CAPRIN1: variants seen among roughly 807,000 people sequenced by gnomAD.
CAPRIN1 encodes cell cycle associated protein 1, also known as caprin-1.
CAPRIN1 carries 29 observed loss-of-function variants against 100.9 expected under a neutral mutation model. That is an observed-to-expected ratio of 0.29 (90% CI 0.21 to 0.39). The LOEUF is 0.39. Ranked by LOEUF, CAPRIN1 falls within the 10% of genes least tolerant of loss-of-function variation. The probability of loss-of-function intolerance (pLI) is 1.00; values close to 1 mark genes in which losing one functional copy is unlikely to be tolerated. For missense variants in CAPRIN1, 795 were observed against 876.7 expected, an observed-to-expected ratio of 0.91 and a Z score of 1.18; for synonymous variants, 338 against 307.5, an observed-to-expected ratio of 1.10 and a Z score of -1.04.
chr11:34,080,113 C>T (rs1002547722), intron 7 of CAPRIN1, among the ~76,000 whole-genome samples: 5 of 151,866 alleles, frequency 3.3e-5, no homozygotes, highest in Admixed American at 1.3e-4. Flanking sequence ...TTAGTAAAGA[C>T]GGGGTTTCAC....
intron 2 of CAPRIN1, among the ~76,000 whole-genome samples, chr11:34,057,271 T>TG (rs769028748): frequency 2.0e-5 from 3 of 152,218 alleles, no homozygotes; most frequent in Non-Finnish European, 4.4e-5. Flanking sequence ...AAAGCTGTAA[T>TG]GCTTAATTTG....
At chr11:34,089,039 TGG>T (rs1851206765) in intron 11 of CAPRIN1, among the ~76,000 whole-genome samples, 1 of 151,592 alleles carries the variant, frequency 6.6e-6, no homozygotes, top group Non-Finnish European at 1.5e-5. Context: ...GAGGCTGAGG[TGG>T]GCAGATTGCT....
Position 34,100,900 on chromosome 11 carries a change from A to G in CAPRIN1, c.*1533A>G, listed in dbSNP as rs916182688. 2.6e-5 allele frequency: 4 copies of G among 152,618 alleles called. No homozygotes were observed. The highest frequency in any genetic ancestry group is 9.7e-5 in the African/African-American group (4 of 41,440). 9.5% of individuals were successfully genotyped at this position (152,618 alleles called of 1,614,324 possible). ...CCTTTAAGCAAAGGCTACTAAGTTA[A>G]TGGTATTTTCTGTGCAGAAATTAAA... On this transcript the variant is annotated 3_prime_UTR_variant, in exon 19 of 19. Transcript: ENST00000341394.
intron 2 of CAPRIN1, among the ~76,000 whole-genome samples, chr11:34,056,097 T>C (rs1400097547): frequency 6.6e-6 from 1 of 152,226 alleles, no homozygotes; most frequent in Non-Finnish European, 1.5e-5. Flanking sequence ...TGAATTCCTC[T>C]TTAGAAACCC....
Position 34,097,417 on chromosome 11 carries a change from C to G in CAPRIN1, c.2001+121C>G, listed in dbSNP as rs949391627. ...CGTTAACTTTGTGGTGTCCAAGACA[C>G]TCTGTTGAAACAAAAGCTTTTAGCA... is the stretch of plus-strand genomic sequence containing the variant. On this transcript the variant is annotated intron_variant, in intron 17 of 18. Transcript: ENST00000341394. The G allele has an allele frequency of 8.4e-6, 7 of 834,072 alleles. No homozygotes were observed. In the East Asian group the frequency reaches 1.8e-4, roughly 22 times the overall value. The allele number at this position is 834,072 out of a possible 1,614,324, so 51.7% of individuals were successfully genotyped here.
chr11:34,080,136 G>T (rs1442613998), intron 7 of CAPRIN1, among the ~76,000 whole-genome samples: 1 of 152,058 alleles, frequency 6.6e-6, no homozygotes, highest in Non-Finnish European at 1.5e-5. Context: ...TGTTGGCCAG[G>T]ATGGTCTCGA....
Position 34,086,221 on chromosome 11 carries a change from TATGTTC to T in CAPRIN1, c.1122+5_1122+10del, listed in dbSNP as rs1269167009. 1.2e-6 allele frequency: 2 copies of T among 1,613,610 alleles called. No individual in the cohort carries two copies. The highest frequency in any genetic ancestry group is 1.7e-6 in the Non-Finnish European group (2 of 1,179,610). On this transcript the variant is annotated splice_donor_5th_base_variant and intron_variant, in intron 10 of 18. Transcript: ENST00000341394. Reference sequence around the variant, plus strand: ...CAGGGTCCCTATAATTTCATACAGGTATGTTCATTTTAGTCAGACTCTGTAACAGAA... The same window carrying T: ...CAGGGTCCCTATAATTTCATACAGGTATTTTAGTCAGACTCTGTAACAGAA...
chr11:34,082,436 G>T (rs1851051817), intron 7 of CAPRIN1, among the ~76,000 whole-genome samples: 1 of 152,142 alleles, frequency 6.6e-6, no homozygotes, highest in African/African-American at 2.4e-5. Context: ...TGATCCACCT[G>T]TCTTGGCCTT....
intron 2 of CAPRIN1, among the ~76,000 whole-genome samples, chr11:34,066,592 G>A (rs535921983): frequency 1.3e-5 from 2 of 149,964 alleles, no homozygotes; most frequent in South Asian, 4.3e-4. Flanking sequence ...TCAGCCTCCC[G>A]AAGTGCTGGA....
Position 34,099,420 on chromosome 11 carries a change from A to G in CAPRIN1, c.*53A>G. On this transcript the variant is annotated 3_prime_UTR_variant, in exon 19 of 19. Coordinates refer to ENST00000341394, the MANE Select transcript of CAPRIN1 (RefSeq NM_005898.5). ...CCAAAAACACACTGGCCAGTGTACCATAATATGTTACCAGAAGAGTTATTA... is the reference window on the plus strand; with the variant it reads ...CCAAAAACACACTGGCCAGTGTACCGTAATATGTTACCAGAAGAGTTATTA... The G allele has an allele frequency of 2.2e-6, 3 of 1,374,300 alleles. No homozygotes were observed. Among genetic ancestry groups the G allele is most frequent in the Non-Finnish European group, 3.1e-6 (3 of 962,380 alleles). 85.1% of individuals were successfully genotyped at this position (1,374,300 alleles called of 1,614,324 possible).
chr11:34,096,534 C>G lies in CAPRIN1; in HGVS notation c.1761C>G (p.His587Gln). 6.2e-7 allele frequency: 1 copy of G among 1,614,110 alleles called. No individual in the cohort carries two copies. Among genetic ancestry groups the G allele is most frequent in the Non-Finnish European group, 8.5e-7 (1 of 1,180,010 alleles). ...AGTCCCATCAAGTGACTGGTAACCACCAGCAGCCTCCTCAGCAGAACACTG... is the reference window on the plus strand; with the variant it reads ...AGTCCCATCAAGTGACTGGTAACCAGCAGCAGCCTCCTCAGCAGAACACTG... Reference protein sequence around the residue: ...PDQSHQVTGNHQQPPQQNTGF... With the variant: ...PDQSHQVTGNQQQPPQQNTGF... Residue 587 changes from histidine to glutamine, a missense_variant, in exon 16 of 19, where the codon CAC becomes CAG. His to Gln is a conservative substitution (Grantham distance 24). This residue lies in a region of CAPRIN1 where 648 missense variants were observed against 697.9 expected (regional missense o/e 0.93). Transcript: ENST00000341394.
At chr11:34,079,856 A>G in intron 7 of CAPRIN1, 91 bp downstream of exon 7, 3 of 1,191,170 alleles carry the variant, frequency 2.5e-6, no homozygotes, top group Non-Finnish European at 3.5e-6. Context: ...CTTAGTTTTC[A>G]TATATGTACA....
chr11:34,100,441 G>A lies in CAPRIN1; in HGVS notation c.*1074G>A, dbSNP rs1410907812. The A allele has an allele frequency of 2.0e-5, 3 of 152,002 alleles. No individual in the cohort carries two copies. The highest frequency in any genetic ancestry group is 7.2e-5 in the African/African-American group (3 of 41,398). The allele number at this position is 152,002 out of a possible 1,614,324, so 9.4% of individuals were successfully genotyped here. A position where few individuals can be genotyped will look rare whatever the true frequency, so the allele number is the denominator to read the frequency against. On this transcript the variant is annotated 3_prime_UTR_variant, in exon 19 of 19. Coordinates refer to ENST00000341394, the MANE Select transcript of CAPRIN1 (RefSeq NM_005898.5). The stretch of plus-strand genomic sequence containing the variant: ...TTTTAGATTGATTTCCCTGTTTCAG[G>A]GAAATCACGGACAGTAGTTTCAGTT...
intron 2 of CAPRIN1, among the ~76,000 whole-genome samples, chr11:34,071,144 G>A (rs868027137): frequency 6.6e-6 from 1 of 152,326 alleles, no homozygotes; most frequent in Middle Eastern, 3.4e-3. Flanking sequence ...ATGTGGGTAG[G>A]AGCCATATGC....
intron 2 of CAPRIN1, among the ~76,000 whole-genome samples, chr11:34,062,894 C>G (rs1356632684): frequency 1.3e-5 from 2 of 152,016 alleles, no homozygotes; most frequent in Non-Finnish European, 2.9e-5. Flanking sequence ...GATGTTTCCT[C>G]CTAATCTTCC....
chr11:34,074,016 CTT>C (rs1016924832), intron 4 of CAPRIN1, among the ~76,000 whole-genome samples: 1 of 152,100 alleles, frequency 6.6e-6, no homozygotes, highest in Non-Finnish European at 1.5e-5. Context: ...CCTGCAAGCT[CTT>C]TTTATAGTAG....
intron 14 of CAPRIN1, among the ~76,000 whole-genome samples, chr11:34,090,969 T>C (rs1344715116): frequency 3.3e-5 from 5 of 152,196 alleles, no homozygotes; most frequent in Non-Finnish European, 1.5e-5. Context: ...AATAGACTAA[T>C]ATAACATCCA....
chr11:34,076,127 A>G (rs904388544), intron 4 of CAPRIN1, 109 bp from the exon 5 acceptor site: 2 of 689,496 alleles, frequency 2.9e-6, no homozygotes, highest in African/African-American at 3.6e-5. Context: ...TATTGAGGTC[A>G]TATCTCACTC....
rs1683682910 is a variant in CAPRIN1, at chr11:34,076,867, T to C, written c.688+225T>C. ...CTATCACCTCATCCTCCCAAGTAGC[T>C]GGGATTACAGGCATGCGCCACCACG... is the stretch of plus-strand genomic sequence containing the variant. On this transcript the variant is annotated intron_variant, in intron 6 of 18. Transcript: ENST00000341394. Among the ~76,000 whole-genome samples the C allele has an allele frequency of 2.0e-5, 3 of 152,084 alleles. No homozygotes were observed. In the South Asian group the frequency reaches 6.2e-4, roughly 32 times the overall value.
Sources: gnomAD v4.1 joint callset for allele counts (sites outside exome capture counted in the v4.1 genomes callset) on GRCh38, gnomAD v4.1.1 for gene constraint, gnomAD v4.1.1 regional missense constraint, MANE v1.5 for transcripts, NCBI Gene and HGNC (gene_info 2026-07-23, HGNC 2026-07-21) for gene names.